XNDC1N: variants seen among roughly 807,000 people sequenced by gnomAD.
The protein encoded by XNDC1N is XRCC1 N-terminal domain containing 1, N-terminal like.
the XNDC1N span, among the ~76,000 whole-genome samples, chr11:71,877,645 A>T: frequency 4.6e-5 from 7 of 152,312 alleles, no homozygotes; most frequent in Admixed American, 3.3e-4. Flanking sequence ...CTCTAAATAA[A>T]AAATAAATAA....
the XNDC1N span, chr11:71,903,906 C>T: frequency 2.3e-6 from 1 of 429,734 alleles, no homozygotes; most frequent in Non-Finnish European, 4.7e-6. Context: ...TATAAACCTT[C>T]ACCACCTGTG....
At chr11:71,898,376 G>A in the XNDC1N span, among the ~76,000 whole-genome samples, 3 of 152,086 alleles carry the variant, frequency 2.0e-5, no homozygotes, top group African/African-American at 7.3e-5. Context: ...GGAGGCTGAG[G>A]CAGGCGGATC....
At chr11:71,913,281 G>T in the XNDC1N span, among the ~76,000 whole-genome samples, 19 of 151,764 alleles carry the variant, frequency 1.3e-4, no homozygotes, top group African/African-American at 4.4e-4. Flanking sequence ...AGTAATATCA[G>T]CCTCTCTCCC....
At chr11:71,903,142 G>A in the XNDC1N span, 2 of 662,412 alleles carry the variant, frequency 3.0e-6, no homozygotes, top group East Asian at 2.8e-5. Flanking sequence ...ACTTGTTTCC[G>A]ATTTTTCAAC....
chr11:71,917,610 G>A, the XNDC1N span: 1 of 703,618 alleles, frequency 1.4e-6, no homozygotes, highest in Non-Finnish European at 2.6e-6. Flanking sequence ...TTCTGCTTTT[G>A]CCCTCTTTAC....
the XNDC1N span, among the ~76,000 whole-genome samples, chr11:71,911,496 T>C: frequency 6.6e-6 from 1 of 152,096 alleles, no homozygotes; most frequent in Non-Finnish European, 1.5e-5. Context: ...GTGCAGGGTA[T>C]GCAGTGATAA....
chr11:71,923,091 T>C, the XNDC1N span, among the ~76,000 whole-genome samples: 1 of 152,222 alleles, frequency 6.6e-6, no homozygotes, highest in African/African-American at 2.4e-5. Context: ...CTGAGGGTGC[T>C]GCTTTCTGTA....
chr11:71,896,234 G>C, the XNDC1N span, among the ~76,000 whole-genome samples: 18 of 152,172 alleles, frequency 1.2e-4, no homozygotes, highest in African/African-American at 4.1e-4. Context: ...AGCCCGGACT[G>C]TGCCTGTGTA....
the XNDC1N span, chr11:71,894,140 C>A: frequency 3.7e-6 from 2 of 537,814 alleles, no homozygotes; most frequent in Admixed American, 3.7e-5. Context: ...ATCGTCCCCT[C>A]CATTCTTAGG....
the XNDC1N span, among the ~76,000 whole-genome samples, chr11:71,905,901 C>G: frequency 1.3e-5 from 2 of 152,024 alleles, no homozygotes; most frequent in Non-Finnish European, 2.9e-5. Context: ...AAAGTAATAT[C>G]TCTCTATCAG....
At chr11:71,905,460 C>T in the XNDC1N span, among the ~76,000 whole-genome samples, 2 of 150,480 alleles carry the variant, frequency 1.3e-5, no homozygotes, top group Non-Finnish European at 3.0e-5. Context: ...GGTGTACAAC[C>T]CCTGTGACAT....
chr11:71,866,125 A>C, the XNDC1N span, among the ~76,000 whole-genome samples: 1 of 140,018 alleles, frequency 7.1e-6, no homozygotes, highest in Non-Finnish European at 1.5e-5. Flanking sequence ...TATCTGAAAG[A>C]TATAGATCTA....
chr11:71,868,683 C>T, the XNDC1N span, among the ~76,000 whole-genome samples: 2 of 152,112 alleles, frequency 1.3e-5, no homozygotes, highest in African/African-American at 2.4e-5. Context: ...TGTGGGTTAC[C>T]TGCTCCTTTT....
At chr11:71,869,914 C>T in the XNDC1N span, among the ~76,000 whole-genome samples, 1 of 152,160 alleles carries the variant, frequency 6.6e-6, no homozygotes, top group Non-Finnish European at 1.5e-5. Flanking sequence ...AATCTGTTCT[C>T]AAGCTGGTAA....
the XNDC1N span, among the ~76,000 whole-genome samples, chr11:71,885,095 T>C: frequency 6.6e-6 from 1 of 152,196 alleles, no homozygotes; most frequent in African/African-American, 2.4e-5. Flanking sequence ...CAAACCGGTG[T>C]ACACCCTGGG....
At chr11:71,882,296 C>T in the XNDC1N span, among the ~76,000 whole-genome samples, 4 of 151,976 alleles carry the variant, frequency 2.6e-5, no homozygotes, top group Non-Finnish European at 5.9e-5. Flanking sequence ...CACTTTGTCA[C>T]CCAGGCTGGA....
At chr11:71,928,268 C>T in the XNDC1N span, 1 of 575,164 alleles carries the variant, frequency 1.7e-6, no homozygotes, top group South Asian at 2.1e-5. Flanking sequence ...GCTTTCACAG[C>T]TCATCGGGAA....
At chr11:71,890,949 C>T in the XNDC1N span, among the ~76,000 whole-genome samples, 9 of 151,996 alleles carry the variant, frequency 5.9e-5, no homozygotes, top group Non-Finnish European at 1.3e-4. Flanking sequence ...TCCTCTCCCC[C>T]CTTGCATATT....
the XNDC1N span, among the ~76,000 whole-genome samples, chr11:71,913,665 TA>T: frequency 0.011 from 1,139 of 105,286 alleles, 13 homozygotes; most frequent in African/African-American, 0.029. Context: ...TCTCAAAAGA[TA>T]AAAAAAAAAA....
Sources: gnomAD v4.1 joint callset for allele counts (sites outside exome capture counted in the v4.1 genomes callset) on GRCh38, gnomAD v4.1.1 for gene constraint, MANE v1.5 for transcripts, NCBI Gene and HGNC (gene_info 2026-07-23, HGNC 2026-07-21) for gene names.